The following KIF4B variants were observed in gnomAD, a reference collection of about 807,000 sequenced individuals.
KIF4B encodes chromosome-associated kinesin KIF4B.
In KIF4B, 60 loss-of-function variants were observed where a neutral mutation model predicts 69.0. The ratio of observed to expected loss-of-function variants is 0.87; its 90% CI spans 0.71 to 1.08. KIF4B has a LOEUF of 1.08. KIF4B is among the 50% of genes least tolerant of loss of function. The pLI, the probability that KIF4B is intolerant of heterozygous loss-of-function variation, is 0.00. For missense variants in KIF4B, 1,357 were observed against 1,451.9 expected (o/e 0.93, Z 1.06); for synonymous variants, 489 against 533.0 (o/e 0.92, Z 1.14).
chr5:155,014,696 T>C lies in KIF4B; in HGVS notation c.837T>C (p.Asp279=). The change falls in exon 1 of 1, where the codon GAT becomes GAC. Residue 279 remains aspartate (D), a synonymous_variant. Transcript: ENST00000435029. ...GAAATGTAATCAGTGCTCTTGGAGA[T>C]GACAAAAAGGGTAGCTTTGTGCCCT... ...CLGNVISALG[D]DKKGSFVPYR... 1.2e-6 allele frequency: 2 copies of C among 1,614,090 alleles called. No homozygotes were observed. The highest frequency in any genetic ancestry group is 8.5e-7 in the Non-Finnish European group (1 of 1,180,024).
At position 155,016,388 on chromosome 5, in the gene KIF4B, T is replaced by C; in HGVS notation, c.2529T>C (p.Asp843=). The C allele has an allele frequency of 1.2e-6, 2 of 1,614,210 alleles. No homozygotes were observed. Among genetic ancestry groups the C allele is most frequent in the Non-Finnish European group, 1.7e-6 (2 of 1,180,052 alleles). Residue 843 remains aspartate (D), a synonymous_variant, in exon 1 of 1, where the codon GAT becomes GAC. Coordinates refer to ENST00000435029, the MANE Select transcript of KIF4B (RefSeq NM_001099293.3). ...QIADLQQKLL[D]AESEDRPKQC... ...CTGACCTACAGCAGAAGCTGCTGGA[T>C]GCAGAAAGTGAAGATAGGCCAAAAC...
rs572362267 is a variant in KIF4B, at chr5:155,013,989, G to T, written c.130G>T (p.Gly44Cys). The change falls in exon 1 of 1, where the codon GGT (glycine) becomes TGT (cysteine). Residue 44 changes from glycine (G) to cysteine (C), a missense_variant. By Grantham distance (159) the Gly-to-Cys change is radical. Transcript: ENST00000435029. ...FVPGETQVVV[G>C]TDKSFTYDFV... is the part of the protein sequence containing the mutation. ...GCCCGGGGAGACTCAGGTGGTGGTT[G>T]GTACTGATAAATCCTTCACCTACGA... 325 of 1,614,196 alleles carry T rather than the reference G, an allele frequency of 2.0e-4. 1 individual carries two copies. The South Asian group carries it at 3.4e-3, about 17-fold the overall frequency.
chr5:155,017,100 T>C lies in KIF4B; in HGVS notation c.3241T>C (p.Ser1081Pro). Residue 1081 changes from serine (S) to proline (P), a missense_variant, in exon 1 of 1, where the codon TCC (serine) becomes CCC (proline). Coordinates refer to ENST00000435029, the MANE Select transcript of KIF4B (RefSeq NM_001099293.3). The part of the protein sequence containing the change: ...EWKPTKLVKV[S>P]RKNIQGCSCK... ...GAAGCCAACAAAATTAGTCAAGGTG[T>C]CCAGGAAGAACATCCAAGGGTGTTC... The C allele has an allele frequency of 1.2e-6, 2 of 1,614,060 alleles. No homozygotes were observed. The highest frequency in any genetic ancestry group is 1.7e-6 in the Non-Finnish European group (2 of 1,179,982).
In KIF4B at chr5:155,014,142, A is replaced by G. The variant is rs987558853; in HGVS notation, c.283A>G (p.Thr95Ala). The G allele has an allele frequency of 2.5e-6, 4 of 1,614,054 alleles. No individual in the cohort carries two copies. Among genetic ancestry groups the G allele is most frequent in the Non-Finnish European group, 3.4e-6 (4 of 1,180,034 alleles). Residue 95 changes from threonine to alanine, a missense_variant, in exon 1 of 1, where the codon ACC becomes GCC. By Grantham distance (58) the Thr-to-Ala change is moderately conservative (BLOSUM62 0). Transcript: ENST00000435029. ...CTATGGGCAGACTGGCTCTGGAAAAACCTATTCAATGGGAGGTGCATACAC... is the reference window on the plus strand; with the variant it reads ...CTATGGGCAGACTGGCTCTGGAAAAGCCTATTCAATGGGAGGTGCATACAC... ...LAYGQTGSGKTYSMGGAYTAE... is the reference protein window; with the variant it reads ...LAYGQTGSGKAYSMGGAYTAE...
rs1428850922 is a variant in KIF4B, at chr5:155,016,014, C to T, written c.2155C>T (p.Gln719Ter). 6.2e-7 allele frequency: 1 copy of T among 1,614,128 alleles called. No homozygotes were observed. Among genetic ancestry groups the T allele is most frequent in the African/African-American group, 1.3e-5 (1 of 75,024 alleles). Residue 719 changes from glutamine (Q) to a stop codon, truncating the protein, a stop_gained, in exon 1 of 1, where the codon CAG becomes TAG. Transcript: ENST00000435029. LOFTEE classifies it high-confidence loss of function. ...CAACAAGCGACTCAAGGATGCTCTCCAGAAACAACGAGAGGTCACAGATAA... is the reference window on the plus strand; with the variant it reads ...CAACAAGCGACTCAAGGATGCTCTCTAGAAACAACGAGAGGTCACAGATAA... ...AANKRLKDAL[Q>*]KQREVTDKRK... is the part of the protein sequence containing the mutation.
chr5:155,017,399 A>G lies in KIF4B; in HGVS notation c.3540A>G (p.Ser1180=), dbSNP rs1231998655. The part of the protein sequence containing the change: ...KEMCDMEQVL[S]KKTAPAPSPF... ...TGTGTGACATGGAGCAGGTGCTGTC[A>G]AAGAAGACTGCTCCAGCTCCCTCCC... Residue 1180 remains serine (S), a synonymous_variant, in exon 1 of 1, where the codon TCA becomes TCG. Transcript: ENST00000435029. The G allele has an allele frequency of 2.5e-6, 4 of 1,614,048 alleles. No homozygotes were observed. The highest frequency in any genetic ancestry group is 1.7e-5 in the Admixed American group (1 of 60,008).
Position 155,017,042 on chromosome 5 carries a change from T to C in KIF4B, c.3183T>C (p.Asp1061=), listed in dbSNP as rs1045033725. ...SVNEHEDGDG[D]GDSDEGDDEE... ...ATGAGCATGAAGATGGTGATGGTGA[T>C]GGCGACAGTGATGAGGGGGATGATG... is the stretch of plus-strand genomic sequence containing the variant. Residue 1061 remains aspartate, a synonymous_variant, in exon 1 of 1, where the codon GAT becomes GAC. Coordinates refer to ENST00000435029, the MANE Select transcript of KIF4B (RefSeq NM_001099293.3). The C allele has an allele frequency of 1.9e-6, 3 of 1,614,108 alleles. No individual in the cohort carries two copies. Among genetic ancestry groups the C allele is most frequent in the Non-Finnish European group, 2.5e-6 (3 of 1,180,046 alleles).
rs759136573 is a variant in KIF4B at position 155,016,779 on chromosome 5, C to G, written c.2920C>G (p.Arg974Gly). Residue 974 changes from arginine to glycine, a missense_variant, in exon 1 of 1, where the codon CGA becomes GGA. Physicochemically the swap from Arg to Gly is moderately radical, Grantham distance 125. Coordinates refer to ENST00000435029, the MANE Select transcript of KIF4B (RefSeq NM_001099293.3). The part of the protein sequence containing the change: ...QCQDEELEKM[R>G]EVCEQNQQLL... Reference sequence around the variant, plus strand: ...TCAGGATGAAGAACTTGAGAAGATGCGAGAAGTGTGTGAGCAAAATCAGCA... The same window carrying G: ...TCAGGATGAAGAACTTGAGAAGATGGGAGAAGTGTGTGAGCAAAATCAGCA... 2.2e-5 allele frequency: 35 copies of G among 1,614,050 alleles called. No individual in the cohort carries two copies. The East Asian group carries it at 7.4e-4, about 34-fold the overall frequency.
At position 155,016,715 on chromosome 5, in the gene KIF4B, C is replaced by T. The variant is rs758424905; in HGVS notation, c.2856C>T (p.Ala952=). Residue 952 remains alanine (A), a synonymous_variant, in exon 1 of 1, where the codon GCC becomes GCT. Transcript: ENST00000435029. ...CAGAGAAGCAGTTAGAGAAATCAGCCAGTGAAAAGGAACAACAGCTGGTGA... is the reference window on the plus strand; with the variant it reads ...CAGAGAAGCAGTTAGAGAAATCAGCTAGTGAAAAGGAACAACAGCTGGTGA... ...QMAEKQLEKS[A]SEKEQQLVST... 1.2e-6 allele frequency: 2 copies of T among 1,614,140 alleles called. No individual in the cohort carries two copies. Among genetic ancestry groups the T allele is most frequent in the East Asian group, 2.2e-5 (1 of 44,878 alleles).
At position 155,016,605 on chromosome 5, in the gene KIF4B, T is replaced by G; in HGVS notation, c.2746T>G (p.Leu916Val). 27 of 1,613,934 alleles carry G rather than the reference T, an allele frequency of 1.7e-5. No homozygotes were observed. Among genetic ancestry groups the G allele is most frequent in the Non-Finnish European group, 2.3e-5 (27 of 1,179,990 alleles). ...TCATTTTTCTGAGATAGAGACAGAGTTACAAGCTGAGCTGGTCAGAATGGA... is the reference window on the plus strand; with the variant it reads ...TCATTTTTCTGAGATAGAGACAGAGGTACAAGCTGAGCTGGTCAGAATGGA... The part of the protein sequence containing the change: ...QNHFSEIETE[L>V]QAELVRMEQQ... The change falls in exon 1 of 1, where the codon TTA becomes GTA. Residue 916 changes from leucine to valine, a missense_variant. By Grantham distance (32) the Leu-to-Val change is conservative. Transcript: ENST00000435029.
Position 155,013,807 on chromosome 5 carries a change from C to G in KIF4B, c.-53C>G. ...CGGCTGGGACAGGGCGGCGGGAGAC[C>G]CCGGGTGAACGGGGAAGGGACATTT... On this transcript the variant is annotated 5_prime_UTR_variant, in exon 1 of 1. Transcript: ENST00000435029. The G allele has an allele frequency of 1.2e-6, 2 of 1,600,432 alleles. No individual in the cohort carries two copies. Among genetic ancestry groups the G allele is most frequent in the Non-Finnish European group, 1.7e-6 (2 of 1,172,024 alleles).
chr5:155,017,920 T>C lies in KIF4B; in HGVS notation c.*356T>C, dbSNP rs954293882. On this transcript the variant is annotated 3_prime_UTR_variant, in exon 1 of 1. Transcript: ENST00000435029. ...ATGAGGCCAAGGCTTTCTTATCTTT[T>C]GGTTGTCTCTGCTTAATGGAGGAGC... 1 of 232,410 alleles carries C rather than the reference T, an allele frequency of 4.3e-6. No individual in the cohort carries two copies. The highest frequency in any genetic ancestry group is 5.1e-5 in the Admixed American group (1 of 19,504). 14.4% of individuals were successfully genotyped at this position (232,410 alleles called of 1,614,324 possible).
Position 155,013,909 on chromosome 5 carries a change from G to A in KIF4B, c.50G>A (p.Arg17His), listed in dbSNP as rs775915028. Residue 17 changes from arginine to histidine, a missense_variant, in exon 1 of 1, where the codon CGC (arginine) becomes CAC (histidine). Physicochemically the swap from Arg to His is conservative, Grantham distance 29. Coordinates refer to ENST00000435029, the MANE Select transcript of KIF4B (RefSeq NM_001099293.3). The stretch of plus-strand genomic sequence containing the variant: ...CCTGTAAGAGTGGCACTGCGTTGTC[G>A]CCCTCTGGTCCCCAAAGAGATTAGC... ...GIPVRVALRC[R>H]PLVPKEISEG... is the part of the protein sequence containing the mutation. 14 of 1,614,046 alleles carry A rather than the reference G, an allele frequency of 8.7e-6. No individual in the cohort carries two copies. The highest frequency in any genetic ancestry group is 4.5e-5 in the East Asian group (2 of 44,876).
Position 155,016,607 on chromosome 5 carries a change from A to T in KIF4B, c.2748A>T (p.Leu916Phe). ...ATTTTTCTGAGATAGAGACAGAGTT[A>T]CAAGCTGAGCTGGTCAGAATGGAGC... ...QNHFSEIETE[L>F]QAELVRMEQQ... Residue 916 changes from leucine (L) to phenylalanine (F), a missense_variant, in exon 1 of 1, where the codon TTA (leucine) becomes TTT (phenylalanine). Transcript: ENST00000435029. 6.2e-7 allele frequency: 1 copy of T among 1,614,238 alleles called. No homozygotes were observed. Among genetic ancestry groups the T allele is most frequent in the Non-Finnish European group, 8.5e-7 (1 of 1,180,038 alleles).
chr5:155,014,674 A>G lies in KIF4B; in HGVS notation c.815A>G (p.Asn272Ser), dbSNP rs748238103. 3 of 1,614,046 alleles carry G rather than the reference A, an allele frequency of 1.9e-6. No homozygotes were observed. The highest frequency in any genetic ancestry group is 1.7e-5 in the Admixed American group (1 of 60,010). The change falls in exon 1 of 1, where the codon AAT becomes AGT. Residue 272 changes from asparagine (N) to serine (S), a missense_variant. Physicochemically the swap from Asn to Ser is conservative, Grantham distance 46 (BLOSUM62 1). Transcript: ENST00000435029. ...NINRGLLCLG[N>S]VISALGDDKK... ...AACCGAGGCCTCCTATGCTTGGGAAATGTAATCAGTGCTCTTGGAGATGAC... is the reference window on the plus strand; with the variant it reads ...AACCGAGGCCTCCTATGCTTGGGAAGTGTAATCAGTGCTCTTGGAGATGAC...
rs780106069 is a variant in KIF4B at position 155,015,535 on chromosome 5, A to G, written c.1676A>G (p.Asp559Gly). 1.1e-5 allele frequency: 18 copies of G among 1,614,112 alleles called. No homozygotes were observed. Residue 559 changes from aspartate to glycine, a missense_variant, in exon 1 of 1, where the codon GAT (aspartate) becomes GGT (glycine). Asp to Gly is a moderately conservative substitution (Grantham distance 94). Coordinates refer to ENST00000435029, the MANE Select transcript of KIF4B (RefSeq NM_001099293.3). The stretch of plus-strand genomic sequence containing the variant: ...CAGCCCATTCAGTTTCAATACCAGG[A>G]TAACATAAAAAATCTAGAATTAGAA... The part of the protein sequence containing the change: ...QLQPIQFQYQ[D>G]NIKNLELEVI...
In KIF4B at chr5:155,014,008, C is replaced by G; in HGVS notation, c.149C>G (p.Thr50Ser). ...GTGGTTGGTACTGATAAATCCTTCACCTACGATTTTGTGTTTGACCCCTGT... is the reference window on the plus strand; with the variant it reads ...GTGGTTGGTACTGATAAATCCTTCAGCTACGATTTTGTGTTTGACCCCTGT... ...QVVVGTDKSF[T>S]YDFVFDPCTE... The change falls in exon 1 of 1, where the codon ACC becomes AGC. Residue 50 changes from threonine to serine, a missense_variant. Transcript: ENST00000435029. The G allele has an allele frequency of 6.2e-7, 1 of 1,614,208 alleles. No individual in the cohort carries two copies. The highest frequency in any genetic ancestry group is 8.5e-7 in the Non-Finnish European group (1 of 1,180,036).
rs369676496 is a variant in KIF4B at position 155,014,836 on chromosome 5, C to A, written c.977C>A (p.Thr326Asn). The change falls in exon 1 of 1, where the codon ACC (threonine) becomes AAC (asparagine). Residue 326 changes from threonine (T) to asparagine (N), a missense_variant. Coordinates refer to ENST00000435029, the MANE Select transcript of KIF4B (RefSeq NM_001099293.3). The stretch of plus-strand genomic sequence containing the variant: ...TCCAATCTAGAGGAAACATTAAGTA[C>A]CCTTCGCTATGCTGACAGAGCAAGA... ...ADSNLEETLS[T>N]LRYADRARKI... The A allele has an allele frequency of 2.4e-5, 39 of 1,614,146 alleles. No individual in the cohort carries two copies. In the African/African-American group the frequency reaches 5.2e-4, roughly 22 times the overall value.
At position 155,017,711 on chromosome 5, in the gene KIF4B, CT is replaced by C. The variant is rs1765354823; in HGVS notation, c.*150del. The stretch of plus-strand genomic sequence containing the variant: ...AAAGCATTACTAAAAAGAAGGTAAC[CT>C]TTGTTGGATGTTGTCCCTCAGTCTC... On this transcript the variant is annotated 3_prime_UTR_variant, in exon 1 of 1. Coordinates refer to ENST00000435029, the MANE Select transcript of KIF4B (RefSeq NM_001099293.3). 3 of 1,390,268 alleles carry C rather than the reference CT, an allele frequency of 2.2e-6. No homozygotes were observed. In the African/African-American group the frequency reaches 4.4e-5, roughly 20 times the overall value. 86.1% of individuals were successfully genotyped at this position (1,390,268 alleles called of 1,614,324 possible).
Sources: gnomAD v4.1 joint callset for allele counts on GRCh38, gnomAD v4.1.1 for gene constraint, MANE v1.5 for transcripts, NCBI Gene and HGNC (gene_info 2026-07-23, HGNC 2026-07-21) for gene names.